The following KHDRBS2 variants were observed in gnomAD, a reference collection of about 807,000 sequenced individuals.
KHDRBS2 encodes KH domain-containing, RNA-binding, signal transduction-associated protein 2.
KHDRBS2 carries 26 observed loss-of-function variants against 44.3 expected under a neutral mutation model. The ratio of observed to expected loss-of-function variants is 0.59; its 90% CI spans 0.43 to 0.81. KHDRBS2 has a LOEUF of 0.81. Ranked by LOEUF, KHDRBS2 falls within the 40% of genes least tolerant of loss-of-function variation. The pLI is 0.00. For synonymous variants in KHDRBS2, 194 were observed against 151.1 expected (o/e 1.28, Z -2.08); for missense variants, 476 against 433.1 (o/e 1.10, Z -0.88).
At position 62,286,001 on chromosome 6, in the gene KHDRBS2, A is replaced by C. The variant is rs1842446803; in HGVS notation, c.-53T>G. 8 of 1,160,350 alleles carry C rather than the reference A, an allele frequency of 6.9e-6. No individual in the cohort carries two copies. Among genetic ancestry groups the C allele is most frequent in the African/African-American group, 4.5e-5 (3 of 66,184 alleles). 71.9% of individuals were successfully genotyped at this position (1,160,350 alleles called of 1,614,324 possible). A position where few individuals can be genotyped will look rare whatever the true frequency, so the allele number is the denominator to read the frequency against. ...GAAGCGCGAGGTTCCGCTCGCTCGGACGCAGGCAGGGTCTTGGGGCAGCGC... is the reference window on the plus strand; with the variant it reads ...GAAGCGCGAGGTTCCGCTCGCTCGGCCGCAGGCAGGGTCTTGGGGCAGCGC... On this transcript the variant is annotated 5_prime_UTR_variant, in exon 1 of 9. Transcript: ENST00000281156.
chr6:61,719,466 GA>G (rs916872910), intron 7 of KHDRBS2, among the ~76,000 whole-genome samples: 1 of 148,752 alleles, frequency 6.7e-6, no homozygotes, highest in Non-Finnish European at 1.5e-5. Flanking sequence ...GGAGTATGTA[GA>G]AAAAAAAAGG....
intron 2 of KHDRBS2, among the ~76,000 whole-genome samples, chr6:62,101,922 T>C (rs1801990477): frequency 1.3e-5 from 2 of 152,200 alleles, no homozygotes; most frequent in Admixed American, 6.5e-5. Context: ...TCTCACAGTC[T>C]TTAAAATGCA....
intron 3 of KHDRBS2, among the ~76,000 whole-genome samples, chr6:62,037,300 G>A (rs1446995040): frequency 6.6e-6 from 1 of 151,818 alleles, no homozygotes; most frequent in African/African-American, 2.4e-5. Flanking sequence ...ATAGGTAGGA[G>A]TGACTGTGGT....
At chr6:61,743,455 CA>C (rs1776431851) in intron 6 of KHDRBS2, among the ~76,000 whole-genome samples, 1 of 151,918 alleles carries the variant, frequency 6.6e-6, no homozygotes, top group Non-Finnish European at 1.5e-5. Context: ...TCATTAATGG[CA>C]AAATACAATT....
the KHDRBS2 span, among the ~76,000 whole-genome samples, chr6:61,558,273 C>T: frequency 6.6e-6 from 1 of 152,116 alleles, no homozygotes; most frequent in Non-Finnish European, 1.5e-5. Flanking sequence ...TAGCCATAAA[C>T]TTCCTTGGCT....
intron 6 of KHDRBS2, among the ~76,000 whole-genome samples, chr6:61,761,843 C>T (rs1431798995): frequency 7.9e-5 from 12 of 151,874 alleles, no homozygotes; most frequent in Admixed American, 1.3e-4. Flanking sequence ...GCCCTGACAC[C>T]GTAAAATTGC....
intron 4 of KHDRBS2, among the ~76,000 whole-genome samples, chr6:61,932,057 A>G (rs980192907): frequency 4.6e-5 from 7 of 152,176 alleles, no homozygotes; most frequent in African/African-American, 1.7e-4. Context: ...AAAATGTGTC[A>G]ATTGACATTT....
chr6:62,108,103 T>A (rs1333764489), intron 2 of KHDRBS2, among the ~76,000 whole-genome samples: 1 of 152,084 alleles, frequency 6.6e-6, no homozygotes, highest in South Asian at 2.1e-4. Context: ...TGGGATCTAA[T>A]TAAACTAAAG....
chr6:61,547,703 A>T, the KHDRBS2 span, among the ~76,000 whole-genome samples: 2 of 152,144 alleles, frequency 1.3e-5, no homozygotes, highest in African/African-American at 2.4e-5. Context: ...TCTCTAGGAG[A>T]GGATGCCAGT....
chr6:62,195,312 T>G (rs1428201533), intron 1 of KHDRBS2, among the ~76,000 whole-genome samples: 1 of 152,222 alleles, frequency 6.6e-6, no homozygotes, highest in Non-Finnish European at 1.5e-5. Flanking sequence ...CTAATATTTT[T>G]GTGTGAGCAC....
intron 2 of KHDRBS2, among the ~76,000 whole-genome samples, chr6:62,071,306 T>C (rs374043709): frequency 4.6e-5 from 7 of 152,318 alleles, no homozygotes; most frequent in Admixed American, 2.6e-4. Context: ...TTCACTCTGA[T>C]GGTAGTTTCT....
intron 2 of KHDRBS2, among the ~76,000 whole-genome samples, chr6:62,070,279 G>T (rs1168652602): frequency 6.6e-6 from 1 of 151,004 alleles, no homozygotes; most frequent in Non-Finnish European, 1.5e-5. Flanking sequence ...GTCTTTGTCT[G>T]GTTTTGGCAT....
At chr6:62,222,555 C>A (rs1336405189) in intron 1 of KHDRBS2, among the ~76,000 whole-genome samples, 1 of 152,066 alleles carries the variant, frequency 6.6e-6, no homozygotes, top group Non-Finnish European at 1.5e-5. Context: ...CACCAGGTCC[C>A]TCAAACAACA....
chr6:62,048,813 C>T (rs947338478), intron 2 of KHDRBS2, among the ~76,000 whole-genome samples: 13 of 151,830 alleles, frequency 8.6e-5, no homozygotes, highest in Non-Finnish European at 1.6e-4. Context: ...TAATTTGTGC[C>T]ATAATTCGTC....
chr6:61,647,653 T>C, the KHDRBS2 span, among the ~76,000 whole-genome samples: 2 of 152,188 alleles, frequency 1.3e-5, no homozygotes, highest in Non-Finnish European at 2.9e-5. Context: ...AAAGTTTTCA[T>C]TTAATGTATG....
At position 61,722,716 on chromosome 6, in the gene KHDRBS2, T is replaced by G. The variant is rs960101441; in HGVS notation, c.893+9966A>C. Among the ~76,000 whole-genome samples the G allele has an allele frequency of 2.7e-4, 16 of 58,702 alleles. No individual in the cohort carries two copies. The East Asian group carries it at 0.012, about 44-fold the overall frequency. 38.5% of individuals were successfully genotyped at this position (58,702 alleles called of 152,430 possible). ...GGATGATTCTAATTATATATTTCTA[T>G]TTTTTTTTTTTTAGATGGAGTCTCG... On this transcript the variant is annotated intron_variant, in intron 7 of 8. Transcript: ENST00000281156.
At chr6:61,958,805 T>TTGATC (rs1175942132) in intron 4 of KHDRBS2, among the ~76,000 whole-genome samples, 1 of 152,190 alleles carries the variant, frequency 6.6e-6, no homozygotes, top group East Asian at 1.9e-4. Context: ...CTTTGACCCT[T>TTGATC]TGATCTATAA....
intron 6 of KHDRBS2, among the ~76,000 whole-genome samples, chr6:61,870,810 A>T (rs1372442145): frequency 6.6e-6 from 1 of 152,152 alleles, no homozygotes; most frequent in Non-Finnish European, 1.5e-5. Flanking sequence ...AAACTAACAA[A>T]CAGAAAGAAA....
chr6:61,910,879 A>G (rs1805930061), intron 4 of KHDRBS2, among the ~76,000 whole-genome samples: 1 of 152,232 alleles, frequency 6.6e-6, no homozygotes, highest in South Asian at 2.1e-4. Flanking sequence ...ACTTTTTTCA[A>G]TAAATTTTCT....
Sources: allele counts gnomAD v4.1 joint callset (sites outside exome capture counted in the v4.1 genomes callset), GRCh38; gene constraint gnomAD v4.1.1; transcripts MANE v1.5; gene names NCBI Gene and HGNC (gene_info 2026-07-23, HGNC 2026-07-21).